The following STXBP5 variants were observed in gnomAD, a reference collection of about 807,000 sequenced individuals.
The protein encoded by STXBP5 is syntaxin-binding protein 5.
STXBP5 carries 50 observed loss-of-function variants against 152.4 expected under a neutral mutation model. The ratio of observed to expected loss-of-function variants is 0.33; its 90% CI spans 0.26 to 0.42. The LOEUF is 0.42. STXBP5 is among the 10% of genes least tolerant of loss of function. The pLI is 1.00. For synonymous variants in STXBP5, 492 were observed against 494.7 expected, an observed-to-expected ratio of 0.99 and a Z score of 0.07; for missense variants, 1,167 against 1,388.6, an observed-to-expected ratio of 0.84 and a Z score of 2.54.
At chr6:147,211,492 A>G (rs1328451783) in intron 2 of STXBP5, among the ~76,000 whole-genome samples, 1 of 152,182 alleles carries the variant, frequency 6.6e-6, no homozygotes, top group Non-Finnish European at 1.5e-5. Context: ...TAATTTTATT[A>G]TATAAAACAT....
chr6:147,278,816 A>C (rs995725218), intron 8 of STXBP5, among the ~76,000 whole-genome samples: 3 of 152,188 alleles, frequency 2.0e-5, no homozygotes, highest in African/African-American at 7.2e-5. Context: ...TTATTTTCTT[A>C]TGGAGTCACA....
chr6:147,318,924 CAACTT>C (rs1782776173), intron 16 of STXBP5, among the ~76,000 whole-genome samples: 1 of 152,016 alleles, frequency 6.6e-6, no homozygotes, highest in Non-Finnish European at 1.5e-5. Context: ...TGAATTTAAT[CAACTT>C]AACGTGATTT....
rs116080992 is a variant in STXBP5, at chr6:147,320,454, C to G, written c.1802+4047C>G. 4.2e-3 allele frequency among the ~76,000 whole-genome samples: 644 copies of G among 152,098 alleles called. 2 individuals are homozygous for G. Among genetic ancestry groups the G allele is most frequent in the African/African-American group, 0.015 (604 of 41,496 alleles). On this transcript the variant is annotated intron_variant, in intron 16 of 27. Transcript: ENST00000321680. ...CCGGCTACATAGGGACTCTACCATT[C>G]CTGGGATAGAGTTAGAAAGAGGGTA...
chr6:147,330,804 A>G (rs1387239584), intron 18 of STXBP5, among the ~76,000 whole-genome samples: 2 of 152,198 alleles, frequency 1.3e-5, no homozygotes, highest in Admixed American at 6.5e-5. Context: ...GTTCAGTTTA[A>G]TGATGGAAAG....
At chr6:147,244,178 G>A (rs1326284283) in intron 4 of STXBP5, among the ~76,000 whole-genome samples, 1 of 152,124 alleles carries the variant, frequency 6.6e-6, no homozygotes, top group Non-Finnish European at 1.5e-5. Context: ...ATGTGCATAG[G>A]CTATATGCAA....
rs1261134201 is a variant in STXBP5, at chr6:147,363,414, T to C, written c.2625T>C (p.Tyr875=). Residue 875 remains tyrosine, a synonymous_variant, in exon 24 of 28, where the codon TAT becomes TAC. Transcript: ENST00000321680. The stretch of plus-strand genomic sequence containing the variant: ...CAGGCTGCTTAATACCACCTGCGTA[T>C]GAACCCTGGAGAGAGCACAATGTTC... ...DTTGCLIPPA[Y]EPWREHNVPE... 3.7e-6 allele frequency: 6 copies of C among 1,614,030 alleles called. No individual in the cohort carries two copies. The Admixed American group carries it at 6.7e-5, about 18-fold the overall frequency.
intron 18 of STXBP5, among the ~76,000 whole-genome samples, chr6:147,333,502 C>T (rs1355428586): frequency 6.6e-6 from 1 of 152,038 alleles, no homozygotes; most frequent in East Asian, 1.9e-4. Flanking sequence ...CCAGCCTGGG[C>T]GACAGAGGGA....
intron 9 of STXBP5, among the ~76,000 whole-genome samples, chr6:147,297,107 A>G (rs1781564336): frequency 6.6e-6 from 1 of 152,192 alleles, no homozygotes; most frequent in Admixed American, 6.5e-5. Context: ...ATTCAGATCC[A>G]GGAAGCTCTG....
chr6:147,363,538 A>T lies in STXBP5; in HGVS notation c.2749A>T (p.Ile917Leu), dbSNP rs1469929715. 6.2e-7 allele frequency: 1 copy of T among 1,614,118 alleles called. No homozygotes were observed. Among genetic ancestry groups the T allele is most frequent in the Non-Finnish European group, 8.5e-7 (1 of 1,180,024 alleles). The change falls in exon 24 of 28, where the codon ATA becomes TTA. Residue 917 changes from isoleucine to leucine, a missense_variant. By Grantham distance (5) the Ile-to-Leu change is conservative. This residue lies in a region of STXBP5 where 833 missense variants were observed against 986.3 expected (regional missense o/e 0.84). Coordinates refer to ENST00000321680, the MANE Select transcript of STXBP5 (RefSeq NM_001127715.4). ...QEISENQYAV[I>L]CSEKQAKVIS... ...AATTAGTGAAAACCAGTATGCAGTG[A>T]TATGTTCTGAAAAGCAAGCAAAAGT...
intron 7 of STXBP5, 150 bp from the exon 8 acceptor site, chr6:147,277,931 G>C: frequency 3.2e-6 from 2 of 623,948 alleles, no homozygotes; most frequent in Non-Finnish European, 5.2e-6. Context: ...TGTATTACAA[G>C]AGGGCCAAAT....
chr6:147,291,972 A>G (rs1456806640), intron 9 of STXBP5, among the ~76,000 whole-genome samples: 1 of 151,962 alleles, frequency 6.6e-6, no homozygotes, highest in African/African-American at 2.4e-5. Flanking sequence ...TTTGAAATGC[A>G]GATTCTCAGA....
intron 22 of STXBP5, among the ~76,000 whole-genome samples, chr6:147,354,173 C>G (rs1410697073): frequency 6.6e-6 from 1 of 152,076 alleles, no homozygotes; most frequent in Non-Finnish European, 1.5e-5. Flanking sequence ...TGTTTATTCT[C>G]TAGATTTCTT....
chr6:147,317,079 G>A (rs968117908), intron 16 of STXBP5, among the ~76,000 whole-genome samples: 8 of 152,166 alleles, frequency 5.3e-5, no homozygotes, highest in Admixed American at 6.5e-5. Flanking sequence ...GGATAATGAC[G>A]GAAAGGTGGT....
intron 15 of STXBP5, among the ~76,000 whole-genome samples, 192 bp downstream of exon 15, chr6:147,315,927 T>G (rs761099072): frequency 3.3e-5 from 5 of 152,190 alleles, no homozygotes; most frequent in Non-Finnish European, 7.3e-5. Context: ...ATTTAAATCC[T>G]TAAGTATAGG....
At chr6:147,371,420 GT>G (rs1785534652) in intron 25 of STXBP5, among the ~76,000 whole-genome samples, 1 of 151,926 alleles carries the variant, frequency 6.6e-6, no homozygotes, top group African/African-American at 2.4e-5. Context: ...TTTCTAATTG[GT>G]TTCATCTCTA....
At chr6:147,239,335 C>A in intron 4 of STXBP5, 65 bp downstream of exon 4, 1 of 1,454,890 alleles carries the variant, frequency 6.9e-7, no homozygotes. Flanking sequence ...GAATTTCAGT[C>A]TTTGATTTTT....
chr6:147,247,633 C>T lies in STXBP5; in HGVS notation c.431+8363C>T, dbSNP rs144902241. Among the ~76,000 whole-genome samples the T allele has an allele frequency of 3.3e-3, 500 of 152,270 alleles. 2 individuals are homozygous for T. Among genetic ancestry groups the T allele is most frequent in the Non-Finnish European group, 5.1e-3 (348 of 68,024 alleles). ...TAAAATTATCCATAGTAAGGAGTCT[C>T]TTTGAATACCTCTACCCTTTTCCTT... On this transcript the variant is annotated intron_variant, in intron 4 of 27. Transcript: ENST00000321680.
chr6:147,377,203 TC>T (rs1189681273), intron 26 of STXBP5, among the ~76,000 whole-genome samples: 1 of 152,140 alleles, frequency 6.6e-6, no homozygotes, highest in East Asian at 1.9e-4. Context: ...TAAGTTTAAA[TC>T]CTCATGTTTG....
rs188082495 is a variant in STXBP5 at position 147,369,450 on chromosome 6, A to G, written c.3082-4281A>G. ...CATGACACCAAAAGCAACATCCATA[A>G]AAGAACAAATTGATAACTTCAACAA... On this transcript the variant is annotated intron_variant, in intron 25 of 27. Coordinates refer to ENST00000321680, the MANE Select transcript of STXBP5 (RefSeq NM_001127715.4). 3.2e-4 allele frequency among the ~76,000 whole-genome samples: 49 copies of G among 152,196 alleles called. 1 individual carries two copies. The highest frequency in any genetic ancestry group is 1.2e-3 in the African/African-American group (48 of 41,578).
Sources: allele counts gnomAD v4.1 joint callset (sites outside exome capture counted in the v4.1 genomes callset), GRCh38; gene constraint gnomAD v4.1.1; regional missense constraint gnomAD v4.1.1; transcripts MANE v1.5; gene names NCBI Gene and HGNC (gene_info 2026-07-23, HGNC 2026-07-21).